Variants in IGF2R observed in about 807,000 individuals in gnomAD.
IGF2R encodes cation-independent mannose-6-phosphate receptor.
In IGF2R, 91 loss-of-function variants were observed where a neutral mutation model predicts 270.6. That is an observed-to-expected ratio of 0.34 (90% confidence interval 0.28 to 0.40). The LOEUF is 0.40. Ranked by LOEUF, IGF2R falls within the 10% of genes least tolerant of loss-of-function variation. The pLI is 1.00. For missense variants in IGF2R, 2,805 were observed against 3,188.3 expected, an observed-to-expected ratio of 0.88 and a Z score of 2.90; for synonymous variants, 1,316 against 1,258.9, an observed-to-expected ratio of 1.05 and a Z score of -0.96.
At position 160,047,821 on chromosome 6, in the gene IGF2R, G is replaced by A. The variant is rs369356834; in HGVS notation, c.2259G>A (p.Arg753=). The change falls in exon 17 of 48, where the codon CGG becomes CGA. Residue 753 remains arginine, a synonymous_variant. Transcript: ENST00000356956. ...AGGATAACTCCACCTACAACTTCCG[G>A]TGGTACACCAGCTATGCCTGCCCGG... The part of the protein sequence containing the change: ...QEEDNSTYNF[R]WYTSYACPEE... 6.2e-7 allele frequency: 1 copy of A among 1,614,020 alleles called. No individual in the cohort carries two copies. The highest frequency in any genetic ancestry group is 1.3e-5 in the African/African-American group (1 of 75,046).
In IGF2R at chr6:159,969,286, G is replaced by A; in HGVS notation, c.40G>A (p.Ala14Thr). The change falls in exon 1 of 48, where the codon GCG (alanine) becomes ACG (threonine). Residue 14 changes from alanine to threonine, a missense_variant. Transcript: ENST00000356956. ...CGGCCGGAGCCCCCACCTGGGGCCCGCGCCCGCCCGCCGCCCGCAGCGCTC... is the reference window on the plus strand; with the variant it reads ...CGGCCGGAGCCCCCACCTGGGGCCCACGCCCGCCCGCCGCCCGCAGCGCTC... The part of the protein sequence containing the change: ...AAGRSPHLGP[A>T]PARRPQRSLL... 2 of 1,188,624 alleles carry A rather than the reference G, an allele frequency of 1.7e-6. No individual in the cohort carries two copies. The highest frequency in any genetic ancestry group is 2.1e-6 in the Non-Finnish European group (2 of 961,196). The allele number at this position is 1,188,624 out of a possible 1,614,324, so 73.6% of individuals were successfully genotyped here.
At chr6:159,988,936 T>C (rs1197564269) in intron 1 of IGF2R, among the ~76,000 whole-genome samples, 1 of 152,200 alleles carries the variant, frequency 6.6e-6, no homozygotes, top group African/African-American at 2.4e-5. Flanking sequence ...CAAGCCTTTA[T>C]TGATGATTTT....
Position 160,063,472 on chromosome 6 carries a change from T to C in IGF2R, c.3728T>C (p.Leu1243Pro). Residue 1243 changes from leucine (L) to proline (P), a missense_variant, in exon 27 of 48, where the codon CTG becomes CCG. By Grantham distance (98) the Leu-to-Pro change is moderately conservative. This residue lies in a region of IGF2R where 1,851 missense variants were observed against 2,207.2 expected (regional missense o/e 0.84). Transcript: ENST00000356956. ...RHGNLYDLKPLGLNDTIVSAG... is the reference protein window; with the variant it reads ...RHGNLYDLKPPGLNDTIVSAG... ...GGCAACTTGTATGACCTGAAGCCCCTGGGCCTCAACGACACCATCGTGAGC... is the reference window on the plus strand; with the variant it reads ...GGCAACTTGTATGACCTGAAGCCCCCGGGCCTCAACGACACCATCGTGAGC... 1 of 1,613,430 alleles carries C rather than the reference T, an allele frequency of 6.2e-7. No homozygotes were observed. Among genetic ancestry groups the C allele is most frequent in the Non-Finnish European group, 8.5e-7 (1 of 1,180,026 alleles).
intron 2 of IGF2R, among the ~76,000 whole-genome samples, chr6:160,008,774 C>G (rs371713638): frequency 1.3e-5 from 2 of 151,812 alleles, no homozygotes; most frequent in East Asian, 3.9e-4. Flanking sequence ...TTGAGATGGG[C>G]GTATAGCTGT....
At chr6:160,033,229 C>G (rs1777739296) in intron 9 of IGF2R, 122 bp downstream of exon 9, 1 of 646,174 alleles carries the variant, frequency 1.5e-6, no homozygotes, top group Non-Finnish European at 2.6e-6. Context: ...CTTGACTTCC[C>G]TGCCTCAAGT....
chr6:160,070,004 T>C lies in IGF2R; in HGVS notation c.4389T>C (p.Asp1463=), dbSNP rs766828857. 1.9e-6 allele frequency: 3 copies of C among 1,614,120 alleles called. 1 individual carries two copies. Among genetic ancestry groups the C allele is most frequent in the South Asian group, 2.2e-5 (2 of 91,086 alleles). ...LKYVDGDLCP[D]GIRKKSTTIR... is the part of the protein sequence containing the mutation. The stretch of plus-strand genomic sequence containing the variant: ...ACGTTGATGGCGACTTATGTCCAGA[T>C]GGGATTCGGAAAAAGTCAACCACCA... The change falls in exon 31 of 48, where the codon GAT becomes GAC. Residue 1463 remains aspartate (D), a synonymous_variant. Coordinates refer to ENST00000356956, the MANE Select transcript of IGF2R (RefSeq NM_000876.4).
At chr6:160,009,167 TAAA>T in intron 3 of IGF2R, 33 bp downstream of exon 3, 2 of 1,210,264 alleles carry the variant, frequency 1.7e-6, no homozygotes, top group South Asian at 1.5e-5. Context: ...TGTATTTCTT[TAAA>T]AAAAAAAAGG....
chr6:160,072,659 A>G, intron 32 of IGF2R, 106 bp from the exon 33 acceptor site: 1 of 1,279,660 alleles, frequency 7.8e-7, no homozygotes, highest in Non-Finnish European at 1.1e-6. Flanking sequence ...GTGAGAAGTC[A>G]GAAGTCCCGA....
At chr6:160,061,295 C>T (rs1583285725) in intron 23 of IGF2R, among the ~76,000 whole-genome samples, 1 of 152,212 alleles carries the variant, frequency 6.6e-6, no homozygotes, top group Admixed American at 6.5e-5. Context: ...AGGCGCATGC[C>T]ACCAGGCCCG....
intron 3 of IGF2R, chr6:160,010,425 C>G: frequency 3.1e-6 from 1 of 320,258 alleles, no homozygotes; most frequent in Non-Finnish European, 5.8e-6. Context: ...TGAACTCACT[C>G]AATGTACTTG....
At chr6:160,100,234 C>T (rs188370874) in intron 45 of IGF2R, among the ~76,000 whole-genome samples, 69 of 152,236 alleles carry the variant, frequency 4.5e-4, no homozygotes, top group Non-Finnish European at 4.3e-4. Context: ...AAAAACAACT[C>T]TGTTTACAGG....
At chr6:159,992,336 A>G (rs1367000128) in intron 2 of IGF2R, among the ~76,000 whole-genome samples, 1 of 152,222 alleles carries the variant, frequency 6.6e-6, no homozygotes, top group Non-Finnish European at 1.5e-5. Context: ...AATAGTGTAC[A>G]TTATACCCAG....
Position 160,044,653 on chromosome 6 carries a change from G to T in IGF2R, c.1761G>T (p.Lys587Asn). The T allele has an allele frequency of 6.3e-7, 1 of 1,594,938 alleles. No homozygotes were observed. Among genetic ancestry groups the T allele is most frequent in the Non-Finnish European group, 8.5e-7 (1 of 1,174,998 alleles). ...KIKTNITLVC[K>N]PGDLESAPVL... is the part of the protein sequence containing the mutation. ...AAACTAATATCACACTTGTATGCAA[G>T]CCAGGTAAAAATTTTAAAAAAGATG... is the stretch of plus-strand genomic sequence containing the variant. Residue 587 changes from lysine to asparagine, a missense_variant, in exon 13 of 48, where the codon AAG becomes AAT. Lys to Asn is a moderately conservative substitution (Grantham distance 94). Transcript: ENST00000356956.
chr6:160,043,058 C>T lies in IGF2R; in HGVS notation c.1481-90C>T, dbSNP rs1181883654. ...GACGAAGTGGTTTGGGAACTTTGAG[C>T]CCTTGACTTTTGGCTTAATCACTAT... is the stretch of plus-strand genomic sequence containing the variant. On this transcript the variant is annotated intron_variant, in intron 11 of 47. Coordinates refer to ENST00000356956, the MANE Select transcript of IGF2R (RefSeq NM_000876.4). The T allele has an allele frequency of 2.1e-5, 30 of 1,408,090 alleles. No homozygotes were observed. In the East Asian group the frequency reaches 4.9e-4, roughly 23 times the overall value. 87.2% of individuals were successfully genotyped at this position (1,408,090 alleles called of 1,614,324 possible).
chr6:159,994,923 G>T (rs1302063063), intron 2 of IGF2R, among the ~76,000 whole-genome samples: 1 of 152,116 alleles, frequency 6.6e-6, no homozygotes, highest in African/African-American at 2.4e-5. Context: ...GTGGTTGTTG[G>T]GTAGAATGAT....
At chr6:159,999,730 G>C (rs1442383064) in intron 2 of IGF2R, among the ~76,000 whole-genome samples, 1 of 152,068 alleles carries the variant, frequency 6.6e-6, no homozygotes, top group Non-Finnish European at 1.5e-5. Context: ...CAAAAAATTG[G>C]GTGTAAGTAG....
rs1444365918 is a variant in IGF2R at position 160,063,633 on chromosome 6, A to C, written c.3886+3A>C. On this transcript the variant is annotated splice_donor_region_variant and intron_variant, in intron 27 of 47. Coordinates refer to ENST00000356956, the MANE Select transcript of IGF2R (RefSeq NM_000876.4). ...GCAGGGATTTCACAAAGTGGCAGGT[A>C]CCATTGTTTGTCGTTTTCCTTTTGT... 1 of 1,606,378 alleles carries C rather than the reference A, an allele frequency of 6.2e-7. No individual in the cohort carries two copies.
intron 1 of IGF2R, among the ~76,000 whole-genome samples, chr6:159,990,685 A>G (rs1023657983): frequency 6.6e-6 from 1 of 151,822 alleles, no homozygotes; most frequent in East Asian, 1.9e-4. Context: ...GCTGGAGTGC[A>G]GTGGCACGAT....
At position 159,982,210 on chromosome 6, in the gene IGF2R, C is replaced by T. The variant is rs8191700; in HGVS notation, c.150-8974C>T. ...CCAAGGTCCAGTGTGGGAACCCTGC[C>T]TCCTTGCTCCTCTTCCTTGCTGTTT... is the stretch of plus-strand genomic sequence containing the variant. On this transcript the variant is annotated intron_variant, in intron 1 of 47. Transcript: ENST00000356956. 3.1e-4 allele frequency among the ~76,000 whole-genome samples: 47 copies of T among 152,298 alleles called. No individual in the cohort carries two copies. In the South Asian group the frequency reaches 9.8e-3, roughly 32 times the overall value.
Sources: allele counts gnomAD v4.1 joint callset (sites outside exome capture counted in the v4.1 genomes callset), GRCh38; gene constraint gnomAD v4.1.1; regional missense constraint gnomAD v4.1.1; transcripts MANE v1.5; gene names NCBI Gene and HGNC (gene_info 2026-07-23, HGNC 2026-07-21).